Variants in SNX1 observed in about 807,000 individuals in gnomAD.
SNX1 encodes the protein sorting nexin 1, also known as sorting nexin-1.
SNX1 carries 36 observed loss-of-function variants against 71.8 expected under a neutral mutation model. The ratio of observed to expected loss-of-function variants is 0.50; its 90% confidence interval spans 0.38 to 0.66. The LOEUF (loss-of-function observed/expected upper bound fraction) is 0.66, where lower values mean the gene tolerates loss of function less well. SNX1 is among the 30% of genes least tolerant of loss of function. The pLI is 0.00. For synonymous variants in SNX1, 254 were observed against 240.7 expected, an observed-to-expected ratio of 1.06 and a Z score of -0.51; for missense variants, 612 against 646.7, an observed-to-expected ratio of 0.95 and a Z score of 0.58.
intron 1 of SNX1, 40 bp downstream of exon 1, chr15:64,096,212 C>T (rs755385284): frequency 5.2e-6 from 8 of 1,537,772 alleles, no homozygotes; most frequent in South Asian, 1.2e-5. Flanking sequence ...GGGAGGGCAC[C>T]CCGAAAGGGA....
intron 2 of SNX1, 112 bp downstream of exon 2, chr15:64,112,796 A>G: frequency 3.2e-6 from 2 of 621,130 alleles, no homozygotes; most frequent in Non-Finnish European, 5.5e-6. Flanking sequence ...AACTTTATGT[A>G]AAGTACTTTT....
chr15:64,115,139 T>A (rs957841490), intron 2 of SNX1, among the ~76,000 whole-genome samples: 12 of 152,212 alleles, frequency 7.9e-5, no homozygotes, highest in Admixed American at 7.9e-4. Flanking sequence ...GACAGTTTAG[T>A]GTAATAGTTA....
intron 13 of SNX1, 107 bp downstream of exon 13, chr15:64,136,517 G>T: frequency 1.0e-6 from 1 of 995,244 alleles, no homozygotes; most frequent in South Asian, 1.3e-5. Context: ...CAGTAACTTG[G>T]CAGTTCTCGT....
chr15:64,143,204 A>C lies in SNX1; in HGVS notation c.*5586A>C, dbSNP rs1229032393. The C allele has an allele frequency of 6.5e-6, 1 of 152,784 alleles. No individual in the cohort carries two copies. Among genetic ancestry groups the C allele is most frequent in the Non-Finnish European group, 1.5e-5 (1 of 68,562 alleles). 9.5% of individuals were successfully genotyped at this position (152,784 alleles called of 1,614,324 possible). A position where few individuals can be genotyped will look rare whatever the true frequency, so the allele number is the denominator to read the frequency against. On this transcript the variant is annotated 3_prime_UTR_variant, in exon 15 of 15. Coordinates refer to ENST00000559844, the MANE Select transcript of SNX1 (RefSeq NM_003099.5). ...ACAGTGCGCACATGCCTGGATGTAC[A>C]CTCTGTCTTTGGAGACACTGGCTAA... is the stretch of plus-strand genomic sequence containing the variant.
At chr15:64,105,218 CAA>C (rs5813278) in intron 1 of SNX1, among the ~76,000 whole-genome samples, 2 of 141,822 alleles carry the variant, frequency 1.4e-5, no homozygotes, top group Non-Finnish European at 1.5e-5. Flanking sequence ...GACTCTGTCT[CAA>C]AAAAAAAAAA....
intron 12 of SNX1, among the ~76,000 whole-genome samples, chr15:64,135,808 G>A (rs2081353605): frequency 1.3e-5 from 2 of 150,596 alleles, no homozygotes; most frequent in Admixed American, 6.6e-5. Context: ...TGTAGTCCTA[G>A]CTACTCAGGA....
At position 64,140,614 on chromosome 15, in the gene SNX1, G is replaced by C. The variant is rs75087085; in HGVS notation, c.*2996G>C. 6.6e-6 allele frequency: 1 copy of C among 151,960 alleles called. No homozygotes were observed. The highest frequency in any genetic ancestry group is 1.5e-5 in the Non-Finnish European group (1 of 67,988). The allele number at this position is 151,960 out of a possible 1,614,324, so 9.4% of individuals were successfully genotyped here. On this transcript the variant is annotated 3_prime_UTR_variant, in exon 15 of 15. Coordinates refer to ENST00000559844, the MANE Select transcript of SNX1 (RefSeq NM_003099.5). Reference sequence around the variant, plus strand: ...ATTACTATTTTTGAGACAGAGTCTCGCTCTTGTCGCCCAGGCTGGATTGCA... The same window carrying C: ...ATTACTATTTTTGAGACAGAGTCTCCCTCTTGTCGCCCAGGCTGGATTGCA...
intron 2 of SNX1, among the ~76,000 whole-genome samples, chr15:64,116,156 A>G (rs911012333): frequency 1.3e-5 from 2 of 152,242 alleles, no homozygotes; most frequent in African/African-American, 4.8e-5. Flanking sequence ...CTTACAATAA[A>G]GTAAGCTAGA....
intron 11 of SNX1, among the ~76,000 whole-genome samples, chr15:64,132,156 C>T (rs2081313801): frequency 6.6e-6 from 1 of 152,166 alleles, no homozygotes; most frequent in African/African-American, 2.4e-5. Flanking sequence ...ATAGGTTGCC[C>T]TTTATTGTTG....
intron 1 of SNX1, among the ~76,000 whole-genome samples, chr15:64,098,493 G>T (rs1260082358): frequency 1.3e-5 from 2 of 152,152 alleles, no homozygotes; most frequent in Non-Finnish European, 2.9e-5. Flanking sequence ...CAGGAATCGA[G>T]ACCAGGCTGG....
At chr15:64,098,754 C>T (rs1002936983) in intron 1 of SNX1, among the ~76,000 whole-genome samples, 1 of 151,510 alleles carries the variant, frequency 6.6e-6, no homozygotes, top group Non-Finnish European at 1.5e-5. Context: ...TTTGATTCAT[C>T]TTACCATACT....
Position 64,136,345 on chromosome 15 carries a change from A to T in SNX1, c.1381A>T (p.Thr461Ser). 1 of 1,613,872 alleles carries T rather than the reference A, an allele frequency of 6.2e-7. No individual in the cohort carries two copies. Residue 461 changes from threonine to serine, a missense_variant, in exon 13 of 15, where the codon ACT becomes TCT. Physicochemically the swap from Thr to Ser is moderately conservative, Grantham distance 58. Around this residue, in one of 2 missense-constraint regions of SNX1, gnomAD observed 296 missense variants for 361.9 expected, o/e 0.82. Coordinates refer to ENST00000559844, the MANE Select transcript of SNX1 (RefSeq NM_003099.5). ...DEILEWESRV[T>S]QYERDFERIS... ...TTCTTCCCAGTGGGAGTCTCGGGTG[A>T]CTCAATATGAAAGGGACTTCGAGAG...
At chr15:64,123,872 A>G (rs187754707) in intron 5 of SNX1, among the ~76,000 whole-genome samples, 12 of 152,208 alleles carry the variant, frequency 7.9e-5, no homozygotes, top group Admixed American at 1.3e-4. Flanking sequence ...AAAATCTTCA[A>G]TGCTTCTGAG....
At chr15:64,116,606 C>T (rs927992103) in intron 2 of SNX1, among the ~76,000 whole-genome samples, 1 of 151,980 alleles carries the variant, frequency 6.6e-6, no homozygotes, top group Non-Finnish European at 1.5e-5. Context: ...TCGTTTAGCC[C>T]CAAATGAAAA....
chr15:64,134,592 G>T lies in SNX1; in HGVS notation c.1222-72G>T. The T allele has an allele frequency of 6.5e-7, 1 of 1,529,060 alleles. No individual in the cohort carries two copies. Among genetic ancestry groups the T allele is most frequent in the Non-Finnish European group, 8.8e-7 (1 of 1,130,976 alleles). 94.7% of individuals were successfully genotyped at this position (1,529,060 alleles called of 1,614,324 possible). ...TGTCCCTGGTGCAGCTGCTGGGAGA[G>T]CCTGCCTCGAGGCAGAGCCAGCAGA... is the stretch of plus-strand genomic sequence containing the variant. On this transcript the variant is annotated intron_variant, in intron 11 of 14. Transcript: ENST00000559844. This position sits in a 1 kb window ranked among gnomAD's most constrained non-coding sequence, Gnocchi z 4.1.
Position 64,129,954 on chromosome 15 carries a change from T to C in SNX1, c.846T>C (p.Ala282=), listed in dbSNP as rs776601555. The change falls in exon 9 of 15, where the codon GCT becomes GCC. Residue 282 remains alanine, a synonymous_variant. Transcript: ENST00000559844. This position sits in a 1 kb window ranked among gnomAD's most constrained non-coding sequence, Gnocchi z 4.4. The stretch of plus-strand genomic sequence containing the variant: ...TGGGTACCCAGACATTGAGTGGTGC[T>C]GGTCTCCTCAAGATGTTCAACAAAG... ...RAVGTQTLSG[A]GLLKMFNKAT... is the part of the protein sequence containing the mutation. 1.2e-6 allele frequency: 2 copies of C among 1,614,168 alleles called. No homozygotes were observed. The highest frequency in any genetic ancestry group is 1.7e-6 in the Non-Finnish European group (2 of 1,180,020).
intron 4 of SNX1, 75 bp from the exon 5 acceptor site, chr15:64,123,428 T>G: frequency 1.6e-6 from 2 of 1,288,090 alleles, no homozygotes; most frequent in South Asian, 2.4e-5. Context: ...CTTTTATGAT[T>G]CCTGGTCAAA....
At chr15:64,133,594 G>A (rs1305838569) in intron 11 of SNX1, among the ~76,000 whole-genome samples, 1 of 152,230 alleles carries the variant, frequency 6.6e-6, no homozygotes, top group Non-Finnish European at 1.5e-5. Flanking sequence ...TCTGGGCGTG[G>A]TGGTGTGTGC....
intron 1 of SNX1, among the ~76,000 whole-genome samples, chr15:64,108,427 T>G (rs1303037749): frequency 2.0e-5 from 3 of 152,188 alleles, no homozygotes; most frequent in African/African-American, 4.8e-5. Context: ...GGTGGCTTTG[T>G]ATTTTGATAA....
Sources: gnomAD v4.1 joint callset for allele counts (sites outside exome capture counted in the v4.1 genomes callset) on GRCh38, gnomAD v4.1.1 for gene constraint, gnomAD v4.1.1 regional missense constraint, Gnocchi (gnomAD v3.1) non-coding constraint, MANE v1.5 for transcripts, NCBI Gene and HGNC (gene_info 2026-07-23, HGNC 2026-07-21) for gene names.